The following TCOF1 variants were observed in gnomAD, a reference collection of about 807,000 sequenced individuals.
The protein encoded by TCOF1 is treacle ribosome biogenesis factor 1, also known as treacle protein.
In TCOF1, 33 loss-of-function variants were observed where a neutral mutation model predicts 149.0. The observed-to-expected ratio is 0.22, with a 90% CI of 0.17 to 0.30. The LOEUF is 0.30. Ranked by LOEUF, TCOF1 falls within the 10% of genes least tolerant of loss-of-function variation. The pLI is 1.00. For synonymous variants in TCOF1, 789 were observed against 738.8 expected, an observed-to-expected ratio of 1.07 and a Z score of -1.10; for missense variants, 1,728 against 1,840.7, an observed-to-expected ratio of 0.94 and a Z score of 1.12.
At chr5:150,391,088 A>G (rs932439409) in intron 19 of TCOF1, among the ~76,000 whole-genome samples, 6 of 151,918 alleles carry the variant, frequency 3.9e-5, no homozygotes, top group Admixed American at 1.3e-4. Flanking sequence ...CTTCGGGGGA[A>G]GCGCTTGGGA....
At position 150,379,528 on chromosome 5, in the gene TCOF1, C is replaced by G; in HGVS notation, c.2659-4C>G. On this transcript the variant is annotated splice_polypyrimidine_tract_variant and splice_region_variant and intron_variant, in intron 16 of 26. Transcript: ENST00000643257. ...CTCTCCTCTCATCCTGTTTCTCCCT[C>G]CAGGTGAAGCCTTCAGGGAAGACCC... is the stretch of plus-strand genomic sequence containing the variant. 1 of 1,614,180 alleles carries G rather than the reference C, an allele frequency of 6.2e-7. No individual in the cohort carries two copies. Among genetic ancestry groups the G allele is most frequent in the East Asian group, 2.2e-5 (1 of 44,880 alleles).
At chr5:150,371,928 T>C in intron 6 of TCOF1, 78 bp from the exon 7 acceptor site, 1 of 1,304,954 alleles carries the variant, frequency 7.7e-7, no homozygotes, top group South Asian at 1.2e-5. Context: ...CTTTATCAAC[T>C]GCTGAAGCCC....
intron 6 of TCOF1, among the ~76,000 whole-genome samples, chr5:150,371,794 T>G (rs1762585648): frequency 6.6e-6 from 1 of 152,206 alleles, no homozygotes; most frequent in Non-Finnish European, 1.5e-5. Flanking sequence ...TGGGGCTCTG[T>G]CCCTTCATAT....
chr5:150,376,410 C>G lies in TCOF1; in HGVS notation c.2143-13C>G, dbSNP rs373649039. ...GACTCCTGGAGACACCTCTCTTCCCCTTGTCATCCCAGGCAAAGTCTGTGG... is the reference window on the plus strand; with the variant it reads ...GACTCCTGGAGACACCTCTCTTCCCGTTGTCATCCCAGGCAAAGTCTGTGG... On this transcript the variant is annotated splice_polypyrimidine_tract_variant and intron_variant, in intron 13 of 26. Transcript: ENST00000643257. The G allele has an allele frequency of 6.2e-7, 1 of 1,614,204 alleles. No homozygotes were observed. Among genetic ancestry groups the G allele is most frequent in the Non-Finnish European group, 8.5e-7 (1 of 1,180,022 alleles).
chr5:150,383,779 CCT>C lies in TCOF1; in HGVS notation c.2859+4053_2859+4054del, dbSNP rs754213521. On this transcript the variant is annotated intron_variant, in intron 17 of 26. Transcript: ENST00000643257. The stretch of plus-strand genomic sequence containing the variant: ...GAATCCCATGAGCTCTGCCCAGGAC[CCT>C]CTCTCAAGCACCTGTGGCATACCTT... 58 of 1,551,694 alleles carry C rather than the reference CCT, an allele frequency of 3.7e-5. No homozygotes were observed. In the African/African-American group the frequency reaches 6.7e-4, roughly 18 times the overall value.
At position 150,372,090 on chromosome 5, in the gene TCOF1, C is replaced by A; in HGVS notation, c.724C>A (p.Pro242Thr). The A allele has an allele frequency of 6.2e-7, 1 of 1,614,248 alleles. No individual in the cohort carries two copies. Among genetic ancestry groups the A allele is most frequent in the Non-Finnish European group, 8.5e-7 (1 of 1,180,040 alleles). The change falls in exon 7 of 27, where the codon CCT becomes ACT. Residue 242 changes from proline to threonine, a missense_variant. Pro to Thr is a conservative substitution (Grantham distance 38, BLOSUM62 -1). Around this residue, in one of 2 missense-constraint regions of TCOF1, gnomAD observed 1,696 missense variants for 1,765.4 expected, o/e 0.96. Coordinates refer to ENST00000643257, the MANE Select transcript of TCOF1 (RefSeq NM_001371623.1). ...TCCAGCAAGAAAGGCGGCCCCAGCC[C>A]CTGGGAAGGTGGGGGATGTGACACC... is the stretch of plus-strand genomic sequence containing the variant. ...ESPARKAAPA[P>T]GKVGDVTPQV...
intron 24 of TCOF1, among the ~76,000 whole-genome samples, 169 bp from the exon 25 acceptor site, chr5:150,398,185 G>A (rs1768978064): frequency 6.6e-6 from 1 of 152,168 alleles, no homozygotes; most frequent in Non-Finnish European, 1.5e-5. Flanking sequence ...GCCTCCCAAA[G>A]TGCTGGGATT....
intron 14 of TCOF1, chr5:150,378,601 G>A (rs1388629502): frequency 2.4e-6 from 1 of 410,452 alleles, no homozygotes; most frequent in East Asian, 5.4e-5. Flanking sequence ...CTTGTGCTTA[G>A]CTAATGCTAA....
chr5:150,389,449 G>T (rs916573738), intron 18 of TCOF1, among the ~76,000 whole-genome samples: 2 of 152,228 alleles, frequency 1.3e-5, no homozygotes, highest in African/African-American at 4.8e-5. Flanking sequence ...GAAGCAGAGG[G>T]TTTTGTTTCA....
Position 150,369,743 on chromosome 5 carries a change from C to T in TCOF1, c.639+141C>T, listed in dbSNP as rs73270843. On this transcript the variant is annotated intron_variant, in intron 6 of 26. Coordinates refer to ENST00000643257, the MANE Select transcript of TCOF1 (RefSeq NM_001371623.1). ...GACCAGGAGCTGGAAAGGCTGCAGC[C>T]GGAGAGGGGCAGGGAGAGGAGTCTG... 261 of 932,440 alleles carry T rather than the reference C, an allele frequency of 2.8e-4. No individual in the cohort carries two copies. In the African/African-American group the frequency reaches 3.3e-3, roughly 12 times the overall value. 57.8% of individuals were successfully genotyped at this position (932,440 alleles called of 1,614,324 possible).
At chr5:150,369,194 A>G (rs556874504) in intron 5 of TCOF1, among the ~76,000 whole-genome samples, 9 of 152,278 alleles carry the variant, frequency 5.9e-5, no homozygotes, top group Non-Finnish European at 1.0e-4. Context: ...GAAAGGCCTG[A>G]TTTGCCTCTG....
chr5:150,364,368 T>C lies in TCOF1; in HGVS notation c.304+116T>C, dbSNP rs531964353. The C allele has an allele frequency of 5.5e-6, 8 of 1,451,792 alleles. No individual in the cohort carries two copies. In the South Asian group the frequency reaches 6.2e-5, roughly 11 times the overall value. 89.9% of individuals were successfully genotyped at this position (1,451,792 alleles called of 1,614,324 possible). ...GACCTAAAAGACCCTGGGGAGGAGA[T>C]TGGGAGGGCACCACATATCTTTGGC... On this transcript the variant is annotated intron_variant, in intron 3 of 26. Coordinates refer to ENST00000643257, the MANE Select transcript of TCOF1 (RefSeq NM_001371623.1).
At chr5:150,397,521 A>G (rs960856001) in intron 24 of TCOF1, among the ~76,000 whole-genome samples, 8 of 152,212 alleles carry the variant, frequency 5.3e-5, no homozygotes, top group African/African-American at 1.4e-4. Flanking sequence ...CTCAGCAGGT[A>G]GAAAACTGCG....
chr5:150,357,956 G>A, intron 1 of TCOF1, 102 bp downstream of exon 1: 2 of 1,277,648 alleles, frequency 1.6e-6, no homozygotes, highest in South Asian at 1.3e-5. Context: ...GGCGCCCGGA[G>A]CCGGGTCCCG....
Position 150,372,185 on chromosome 5 carries a change from T to C in TCOF1, c.819T>C (p.Ser273=). 6.2e-7 allele frequency: 1 copy of C among 1,602,114 alleles called. No individual in the cohort carries two copies. The highest frequency in any genetic ancestry group is 8.6e-7 in the Non-Finnish European group (1 of 1,169,512). The stretch of plus-strand genomic sequence containing the variant: ...AGCCAGAAGAGGAGTCAGAGAGTAG[T>C]GAGGAGGGATCTGAAAGTGAGGAGG... ...AKKPEEESES[S]EEGSESEEEA... is the part of the protein sequence containing the mutation. The change falls in exon 7 of 27, where the codon AGT becomes AGC. Residue 273 remains serine, a synonymous_variant. Coordinates refer to ENST00000643257, the MANE Select transcript of TCOF1 (RefSeq NM_001371623.1).
At chr5:150,369,034 C>T in intron 5 of TCOF1, 132 bp downstream of exon 5, 1 of 1,216,686 alleles carries the variant, frequency 8.2e-7, no homozygotes, top group East Asian at 2.5e-5. Flanking sequence ...GTTCCTGCAT[C>T]TTAGGACTTT....
At chr5:150,383,164 C>T (rs1466304293) in intron 17 of TCOF1, 1 of 1,535,700 alleles carries the variant, frequency 6.5e-7, no homozygotes, top group South Asian at 1.2e-5. Context: ...AGAGCTGCCA[C>T]TGACCCAGGT....
chr5:150,383,738 G>A lies in TCOF1; in HGVS notation c.2859+4006G>A, dbSNP rs768290085. ...CTGTATCTCTCTGTTTTCTGTTTAG[G>A]ACCAGGAGTCTTCTTGAATCCCATG... On this transcript the variant is annotated intron_variant, in intron 17 of 26. Coordinates refer to ENST00000643257, the MANE Select transcript of TCOF1 (RefSeq NM_001371623.1). The A allele has an allele frequency of 3.2e-6, 5 of 1,551,810 alleles. No homozygotes were observed. In the South Asian group the frequency reaches 5.9e-5, roughly 18 times the overall value.
chr5:150,366,378 T>C (rs1376303566), intron 3 of TCOF1, among the ~76,000 whole-genome samples: 1 of 152,040 alleles, frequency 6.6e-6, no homozygotes, highest in Non-Finnish European at 1.5e-5. Flanking sequence ...GCATCCTCAT[T>C]GAGAGAGAAA....
Sources: gnomAD v4.1 joint callset for allele counts (sites outside exome capture counted in the v4.1 genomes callset) on GRCh38, gnomAD v4.1.1 for gene constraint, gnomAD v4.1.1 regional missense constraint, MANE v1.5 for transcripts, NCBI Gene and HGNC (gene_info 2026-07-23, HGNC 2026-07-21) for gene names.